MYT1L: variants seen among roughly 807,000 people sequenced by gnomAD.
The protein encoded by MYT1L is myelin transcription factor 1-like protein.
In MYT1L, 12 loss-of-function variants were observed where a neutral mutation model predicts 126.7. The observed-to-expected ratio is 0.09, with a 90% CI of 0.06 to 0.15. The LOEUF (loss-of-function observed/expected upper bound fraction) is 0.15, where lower values mean the gene tolerates loss of function less well. Ranked by LOEUF, MYT1L falls within the 10% of genes least tolerant of loss-of-function variation. The pLI is 1.00. For missense variants in MYT1L, 979 were observed against 1,585.2 expected (o/e 0.62, Z 6.49); for synonymous variants, 541 against 604.2 (o/e 0.90, Z 1.53).
chr2:2,180,480 G>A (rs901449064), intron 2 of MYT1L, among the ~76,000 whole-genome samples: 5 of 152,136 alleles, frequency 3.3e-5, no homozygotes, highest in Non-Finnish European at 5.9e-5. Context: ...ACTCGATGTG[G>A]GTGTGTGGAA....
intron 2 of MYT1L, among the ~76,000 whole-genome samples, chr2:2,198,549 A>G (rs1034755785): frequency 1.3e-5 from 2 of 152,154 alleles, no homozygotes; most frequent in African/African-American, 4.8e-5. Flanking sequence ...ATGTACAATT[A>G]CCACGTGTCA....
intron 22 of MYT1L, among the ~76,000 whole-genome samples, chr2:1,802,775 C>T (rs372158727): frequency 1.8e-4 from 28 of 152,348 alleles, no homozygotes; most frequent in African/African-American, 6.5e-4. Context: ...GACCACTTGA[C>T]CTCACACAAT....
intron 3 of MYT1L, among the ~76,000 whole-genome samples, chr2:2,152,824 G>A (rs552300755): frequency 2.0e-5 from 3 of 152,300 alleles, no homozygotes; most frequent in Admixed American, 6.5e-5. Flanking sequence ...TTAGTTAGGA[G>A]TTCCTTGGAG....
intron 4 of MYT1L, among the ~76,000 whole-genome samples, chr2:2,004,195 G>A (rs569863398): frequency 2.2e-4 from 31 of 140,176 alleles, no homozygotes; most frequent in East Asian, 1.5e-3. Context: ...TCCTGCAGGC[G>A]TTCTTTCCTG....
intron 18 of MYT1L, among the ~76,000 whole-genome samples, chr2:1,872,516 A>G (rs7589534): frequency 0.33 from 50,879 of 152,128 alleles, 10,838 homozygotes; most frequent in African/African-American, 0.61. Flanking sequence ...ACAAGTCTGA[A>G]TATTTTTAAA....
At chr2:2,149,327 A>C (rs2148283391) in intron 3 of MYT1L, among the ~76,000 whole-genome samples, 1 of 152,374 alleles carries the variant, frequency 6.6e-6, no homozygotes, top group East Asian at 1.9e-4. Context: ...ATAAACACCA[A>C]GTGGGAAGGC....
At chr2:2,253,680 A>C (rs763539006) in intron 2 of MYT1L, among the ~76,000 whole-genome samples, 15 of 152,100 alleles carry the variant, frequency 9.9e-5, no homozygotes, top group Non-Finnish European at 1.9e-4. Flanking sequence ...GGGAAACAAG[A>C]AGCAGGGCAG....
intron 3 of MYT1L, among the ~76,000 whole-genome samples, chr2:2,124,870 C>T (rs764518445): frequency 6.6e-6 from 1 of 152,130 alleles, no homozygotes; most frequent in Non-Finnish European, 1.5e-5. Flanking sequence ...GAAGCCTCCC[C>T]GACTCAGGTC....
intron 2 of MYT1L, among the ~76,000 whole-genome samples, chr2:2,178,391 C>A (rs552106865): frequency 7.9e-5 from 12 of 152,306 alleles, no homozygotes; most frequent in African/African-American, 2.9e-4. Context: ...AAGGACATCA[C>A]ATTTGTGGCT....
chr2:2,250,946 A>G (rs990789938), intron 2 of MYT1L, among the ~76,000 whole-genome samples: 2 of 152,200 alleles, frequency 1.3e-5, no homozygotes, highest in African/African-American at 2.4e-5. Context: ...TAATTAAAAA[A>G]TGTTTAAAAT....
At chr2:1,978,003 T>C (rs937861460) in intron 8 of MYT1L, among the ~76,000 whole-genome samples, 2 of 152,204 alleles carry the variant, frequency 1.3e-5, no homozygotes, top group African/African-American at 4.8e-5. Context: ...ATCTGAAAAA[T>C]AGCCCACAAT....
chr2:2,271,808 C>T (rs2149345761), intron 2 of MYT1L, among the ~76,000 whole-genome samples: 1 of 152,308 alleles, frequency 6.6e-6, no homozygotes, highest in African/African-American at 2.4e-5. Flanking sequence ...TGCCCATGAC[C>T]TCATTCCACC....
intron 3 of MYT1L, among the ~76,000 whole-genome samples, chr2:2,105,542 T>C (rs753205215): frequency 5.9e-5 from 9 of 152,246 alleles, no homozygotes; most frequent in Non-Finnish European, 1.0e-4. Context: ...ATGTTTAATA[T>C]GTTCTTTTTT....
chr2:2,138,579 T>G (rs1247618187), intron 3 of MYT1L, among the ~76,000 whole-genome samples: 19 of 141,092 alleles, frequency 1.3e-4, no homozygotes, highest in Admixed American at 1.1e-3. Context: ...TCATTCTCAG[T>G]AAACTATCGC....
At chr2:2,133,691 C>G (rs1289978354) in intron 3 of MYT1L, among the ~76,000 whole-genome samples, 1 of 152,086 alleles carries the variant, frequency 6.6e-6, no homozygotes, top group Non-Finnish European at 1.5e-5. Flanking sequence ...TCTGAATGGT[C>G]CCTTGGTGCT....
intron 4 of MYT1L, among the ~76,000 whole-genome samples, chr2:2,022,248 G>A (rs1338966315): frequency 6.6e-6 from 1 of 152,152 alleles, no homozygotes; most frequent in East Asian, 1.9e-4. Flanking sequence ...CAGGGTACAA[G>A]TGGATTCTTT....
chr2:2,240,671 A>G (rs184531763), intron 2 of MYT1L, among the ~76,000 whole-genome samples: 131 of 152,332 alleles, frequency 8.6e-4, no homozygotes, highest in African/African-American at 3.1e-3. Context: ...TGAACGTGAC[A>G]ATTAGTGTCG....
At chr2:2,030,031 A>T (rs2066057369) in intron 4 of MYT1L, among the ~76,000 whole-genome samples, 2 of 152,172 alleles carry the variant, frequency 1.3e-5, no homozygotes, top group African/African-American at 4.8e-5. Context: ...GAGACCAGAG[A>T]CCAAGGAAGG....
intron 2 of MYT1L, among the ~76,000 whole-genome samples, chr2:2,231,629 G>A (rs757755162): frequency 1.2e-4 from 18 of 151,934 alleles, no homozygotes; most frequent in Non-Finnish European, 2.5e-4. Flanking sequence ...TGTATTTTTT[G>A]TAAAGATGGT....
Sources: gnomAD v4.1 joint callset for allele counts (sites outside exome capture counted in the v4.1 genomes callset) on GRCh38, gnomAD v4.1.1 for gene constraint, MANE v1.5 for transcripts, NCBI Gene and HGNC (gene_info 2026-07-23, HGNC 2026-07-21) for gene names.